The following REDIC1 variants were observed in gnomAD, a reference collection of about 807,000 sequenced individuals.
REDIC1 encodes the protein HEI10 Interacting Protein 1.
the REDIC1 span, chr12:39,682,575 C>T: frequency 2.1e-6 from 3 of 1,443,118 alleles, no homozygotes; most frequent in Non-Finnish European, 2.8e-6. Context: ...ATAATCCATG[C>T]TTTTCTTGCT....
chr12:39,903,180 A>G, the REDIC1 span, among the ~76,000 whole-genome samples: 2 of 152,184 alleles, frequency 1.3e-5, no homozygotes, highest in Non-Finnish European at 1.5e-5. Context: ...TCTGAATAGC[A>G]TTATGAACCT....
the REDIC1 span, among the ~76,000 whole-genome samples, chr12:39,632,538 A>T: frequency 6.6e-6 from 1 of 152,170 alleles, no homozygotes; most frequent in Non-Finnish European, 1.5e-5. Context: ...ATATGTATGT[A>T]TGCATGCATG....
At chr12:39,769,898 T>A in the REDIC1 span, among the ~76,000 whole-genome samples, 2 of 152,102 alleles carry the variant, frequency 1.3e-5, no homozygotes, top group South Asian at 2.1e-4. Context: ...TGTGGTCTTT[T>A]TCCTGGATGT....
At chr12:39,712,197 C>T in the REDIC1 span, among the ~76,000 whole-genome samples, 63 of 9,628 alleles carry the variant, frequency 6.5e-3, no homozygotes, top group South Asian at 0.011. Context: ...TATGTACATA[C>T]ATATATACAT....
At chr12:39,899,859 T>C in the REDIC1 span, among the ~76,000 whole-genome samples, 2 of 152,122 alleles carry the variant, frequency 1.3e-5, no homozygotes, top group African/African-American at 2.4e-5. Context: ...TTTGTTATAA[T>C]TTCTGTTCTT....
At chr12:39,895,822 G>A in the REDIC1 span, among the ~76,000 whole-genome samples, 2 of 92,702 alleles carry the variant, frequency 2.2e-5, no homozygotes, top group African/African-American at 9.0e-5. Context: ...GTACACACAT[G>A]TATATGCGTG....
At chr12:39,833,944 C>G in the REDIC1 span, among the ~76,000 whole-genome samples, 1 of 150,804 alleles carries the variant, frequency 6.6e-6, no homozygotes, top group Admixed American at 6.6e-5. Context: ...GAAAGTAGGT[C>G]GTAAGACCCT....
the REDIC1 span, among the ~76,000 whole-genome samples, chr12:39,715,176 T>C: frequency 1.3e-5 from 2 of 152,028 alleles, no homozygotes; most frequent in Non-Finnish European, 2.9e-5. Flanking sequence ...TGCTATCTTC[T>C]AGAATTTTTA....
chr12:39,777,513 C>T, the REDIC1 span, among the ~76,000 whole-genome samples: 1 of 152,138 alleles, frequency 6.6e-6, no homozygotes, highest in South Asian at 2.1e-4. Context: ...ACCCAGGGCC[C>T]GGGCCCATGG....
the REDIC1 span, among the ~76,000 whole-genome samples, chr12:39,874,480 T>C: frequency 6.6e-6 from 1 of 152,010 alleles, no homozygotes; most frequent in Non-Finnish European, 1.5e-5. Flanking sequence ...CTGGGCATGG[T>C]AGCGGGCACC....
At chr12:39,697,015 A>C in the REDIC1 span, among the ~76,000 whole-genome samples, 1 of 152,214 alleles carries the variant, frequency 6.6e-6, no homozygotes, top group African/African-American at 2.4e-5. Flanking sequence ...AAGTATAAGA[A>C]GGTTATAGAA....
chr12:39,660,018 T>C, the REDIC1 span, among the ~76,000 whole-genome samples: 1 of 152,216 alleles, frequency 6.6e-6, no homozygotes, highest in Non-Finnish European at 1.5e-5. Flanking sequence ...GGCAATACCC[T>C]TCTGAATACT....
chr12:39,735,460 ACCTGGT>A, the REDIC1 span, among the ~76,000 whole-genome samples: 6 of 152,196 alleles, frequency 3.9e-5, no homozygotes, highest in Non-Finnish European at 8.8e-5. Context: ...TGATGATGAC[ACCTGGT>A]TTCTAGCTGC....
At chr12:39,816,689 A>C in the REDIC1 span, among the ~76,000 whole-genome samples, 526 of 152,174 alleles carry the variant, frequency 3.5e-3, 3 homozygotes, top group African/African-American at 0.012. Flanking sequence ...TAATTTTTAA[A>C]AATAAAACAC....
chr12:39,774,265 G>A, the REDIC1 span, among the ~76,000 whole-genome samples: 1 of 152,100 alleles, frequency 6.6e-6, no homozygotes, highest in African/African-American at 2.4e-5. Flanking sequence ...AGAGATTTAG[G>A]ATGGTGTAAA....
the REDIC1 span, among the ~76,000 whole-genome samples, chr12:39,907,374 A>G: frequency 6.6e-6 from 1 of 152,144 alleles, no homozygotes; most frequent in Non-Finnish European, 1.5e-5. Context: ...GAAAGAGAAA[A>G]TATTTTTTGA....
At chr12:39,712,332 A>G in the REDIC1 span, among the ~76,000 whole-genome samples, 51 of 110,398 alleles carry the variant, frequency 4.6e-4, no homozygotes, top group South Asian at 1.4e-3. Flanking sequence ...ACATATGTTT[A>G]TATACCTGTA....
chr12:39,816,128 T>C, the REDIC1 span, among the ~76,000 whole-genome samples: 1 of 152,160 alleles, frequency 6.6e-6, no homozygotes, highest in African/African-American at 2.4e-5. Context: ...CAACTAGAAT[T>C]TGCCTATTCC....
At chr12:39,774,028 C>A in the REDIC1 span, among the ~76,000 whole-genome samples, 1 of 152,162 alleles carries the variant, frequency 6.6e-6, no homozygotes, top group African/African-American at 2.4e-5. Flanking sequence ...AAGCTATCAC[C>A]TCAAAACATA....
Sources: allele counts gnomAD v4.1 joint callset (sites outside exome capture counted in the v4.1 genomes callset), GRCh38; gene constraint gnomAD v4.1.1; transcripts MANE v1.5; gene names NCBI Gene and HGNC (gene_info 2026-07-23, HGNC 2026-07-21).